Variants in RYR2 observed in about 807,000 individuals in gnomAD.
RYR2 encodes the protein ryanodine receptor 2.
In RYR2, 227 loss-of-function variants were observed where a neutral mutation model predicts 601.1. That is an observed-to-expected ratio of 0.38 (90% CI 0.34 to 0.42). The LOEUF (loss-of-function observed/expected upper bound fraction) is 0.42, where lower values mean the gene tolerates loss of function less well. Among genes scored for constraint, RYR2 ranks in the 10% least tolerant of loss-of-function variants. The pLI is 1.00. For missense variants in RYR2, 4,646 were observed against 6,156.5 expected (o/e 0.75, Z 8.21); for synonymous variants, 2,223 against 2,175.1 (o/e 1.02, Z -0.61).
intron 92 of RYR2, among the ~76,000 whole-genome samples, chr1:237,791,026 ACT>A (rs1658321992): frequency 6.6e-6 from 1 of 150,846 alleles, no homozygotes; most frequent in Non-Finnish European, 1.5e-5. Flanking sequence ...TCTTTGACAC[ACT>A]CTTTCTTTCC....
rs186181155 is a variant in RYR2 at position 237,511,729 on chromosome 1, G to A, written c.2760G>A (p.Glu920=). ...AGAGACAACACCCATGCCTGGTGGA[G>A]TTCTCCAAGCTGCCTGAACAGGAGC... ...DNKRQHPCLV[E]FSKLPEQERN... The change falls in exon 24 of 105, where the codon GAG becomes GAA. Residue 920 remains glutamate (E), a synonymous_variant. Transcript: ENST00000366574. 3,910 of 1,570,506 alleles carry A rather than the reference G, an allele frequency of 2.5e-3. 6 individuals carry two copies. Among genetic ancestry groups the A allele is most frequent in the Non-Finnish European group, 3.1e-3 (3,609 of 1,155,876 alleles).
chr1:237,550,406 T>C lies in RYR2; in HGVS notation c.3067-138T>C, dbSNP rs897854904. 7.9e-6 allele frequency: 7 copies of C among 888,708 alleles called. No homozygotes were observed. In the Admixed American group the frequency reaches 7.9e-5, roughly 10 times the overall value. The allele number at this position is 888,708 out of a possible 1,614,324, so 55.1% of individuals were successfully genotyped here. Reference sequence around the variant, plus strand: ...TATATTGATAGTGTTTTGGTAACTTTGCAGCCTGGGAAGACGCATGGATTG... The same window carrying C: ...TATATTGATAGTGTTTTGGTAACTTCGCAGCCTGGGAAGACGCATGGATTG... On this transcript the variant is annotated intron_variant, in intron 26 of 104. Transcript: ENST00000366574.
At chr1:237,133,614 A>C (rs1672405536) in intron 1 of RYR2, among the ~76,000 whole-genome samples, 1 of 152,182 alleles carries the variant, frequency 6.6e-6, no homozygotes, top group African/African-American at 2.4e-5. Flanking sequence ...ACATTCCCCC[A>C]GTTGTTTGTC....
At chr1:237,642,663 C>A (rs1681685150) in intron 47 of RYR2, among the ~76,000 whole-genome samples, 1 of 152,146 alleles carries the variant, frequency 6.6e-6, no homozygotes, top group African/African-American at 2.4e-5. Context: ...GTTTCACGCC[C>A]TGTAATGAGG....
At chr1:237,324,852 G>T (rs1367855845) in intron 2 of RYR2, among the ~76,000 whole-genome samples, 1 of 152,158 alleles carries the variant, frequency 6.6e-6, no homozygotes, top group Non-Finnish European at 1.5e-5. Context: ...GTCACTTGGA[G>T]CCCAATTGAA....
intron 2 of RYR2, among the ~76,000 whole-genome samples, chr1:237,276,288 C>T (rs558023114): frequency 5.9e-5 from 9 of 152,062 alleles, no homozygotes; most frequent in East Asian, 1.9e-4. Flanking sequence ...TTAGTAGAGA[C>T]GGGGTTTTGC....
chr1:237,344,774 T>C (rs1401777563), intron 3 of RYR2, among the ~76,000 whole-genome samples: 1 of 152,196 alleles, frequency 6.6e-6, no homozygotes, highest in Non-Finnish European at 1.5e-5. Context: ...CACATTGTCT[T>C]GATTACTAGT....
At chr1:237,497,926 A>G (rs1026765027) in intron 20 of RYR2, among the ~76,000 whole-genome samples, 6 of 151,894 alleles carry the variant, frequency 4.0e-5, no homozygotes, top group Non-Finnish European at 8.8e-5. Flanking sequence ...CAGTGGTGCA[A>G]TCTTGGCTCA....
intron 11 of RYR2, among the ~76,000 whole-genome samples, chr1:237,420,380 C>T (rs1345923522): frequency 1.3e-5 from 2 of 152,190 alleles, no homozygotes; most frequent in Non-Finnish European, 2.9e-5. Flanking sequence ...CACTATTCCC[C>T]AATTCCCTTT....
chr1:237,728,568 A>AAT (rs1336845693), intron 76 of RYR2, among the ~76,000 whole-genome samples: 1 of 151,974 alleles, frequency 6.6e-6, no homozygotes, highest in African/African-American at 2.4e-5. Context: ...ATAAAGAAAA[A>AAT]GTGGCACATA....
At chr1:237,539,920 T>C (rs1347341174) in intron 25 of RYR2, among the ~76,000 whole-genome samples, 3 of 151,986 alleles carry the variant, frequency 2.0e-5, no homozygotes, top group Non-Finnish European at 4.4e-5. Flanking sequence ...AGAAATAATT[T>C]TTTTTAAATA....
At chr1:237,617,013 G>A (rs926494197) in intron 37 of RYR2, among the ~76,000 whole-genome samples, 1 of 152,018 alleles carries the variant, frequency 6.6e-6, no homozygotes, top group African/African-American at 2.4e-5. Flanking sequence ...CTTGACATGT[G>A]GGGGTTATTA....
chr1:237,614,008 A>G lies in RYR2; in HGVS notation c.4911-31A>G, dbSNP rs746390838. ...AGATTTTAAAAAATCATTCATTTCT[A>G]ATCTTACTACCACTCTCCTCCCTTC... On this transcript the variant is annotated intron_variant, in intron 36 of 104. Transcript: ENST00000366574. The surrounding 1 kb of genome is among the most constrained non-coding windows in gnomAD (Gnocchi z 4.3). The G allele has an allele frequency of 6.4e-7, 1 of 1,573,774 alleles. No homozygotes were observed. The highest frequency in any genetic ancestry group is 8.7e-7 in the Non-Finnish European group (1 of 1,154,230).
chr1:237,752,802 G>A (rs1033798012), intron 80 of RYR2, among the ~76,000 whole-genome samples: 2 of 151,974 alleles, frequency 1.3e-5, no homozygotes, highest in African/African-American at 2.4e-5. Flanking sequence ...CTTGTAGGTC[G>A]TAACTCTCAG....
chr1:237,624,426 G>A (rs1003479052), intron 39 of RYR2, among the ~76,000 whole-genome samples: 1 of 152,186 alleles, frequency 6.6e-6, no homozygotes, highest in Non-Finnish European at 1.5e-5. Flanking sequence ...GTTCCTGGTG[G>A]TGGTGATGGT....
chr1:237,421,933 C>A (rs1275576776), intron 11 of RYR2, among the ~76,000 whole-genome samples: 1 of 152,112 alleles, frequency 6.6e-6, no homozygotes, highest in Non-Finnish European at 1.5e-5. Flanking sequence ...TATCTAATAT[C>A]AAATTTGTCA....
intron 1 of RYR2, among the ~76,000 whole-genome samples, chr1:237,228,112 A>G (rs548210755): frequency 1.3e-5 from 2 of 152,168 alleles, no homozygotes; most frequent in South Asian, 4.1e-4. Context: ...GTAGTCTTCT[A>G]TCCCTCACCC....
intron 29 of RYR2, among the ~76,000 whole-genome samples, chr1:237,587,812 A>G (rs996776262): frequency 1.3e-5 from 2 of 152,324 alleles, no homozygotes; most frequent in Admixed American, 1.3e-4. Context: ...GGTCAACTAT[A>G]CAGATATTTA....
chr1:237,374,902 G>A (rs1253511072), intron 7 of RYR2, 107 bp downstream of exon 7: 2 of 825,758 alleles, frequency 2.4e-6, no homozygotes, highest in African/African-American at 3.4e-5. Context: ...CTTATGGATG[G>A]AGTCAGGAAA....
Sources: allele counts gnomAD v4.1 joint callset (sites outside exome capture counted in the v4.1 genomes callset), GRCh38; gene constraint gnomAD v4.1.1; non-coding constraint Gnocchi (gnomAD v3.1); transcripts MANE v1.5; gene names NCBI Gene and HGNC (gene_info 2026-07-23, HGNC 2026-07-21).